The following PRDM14 variants were observed in gnomAD, a reference collection of about 807,000 sequenced individuals.
The protein encoded by PRDM14 is PR/SET domain 14.
In PRDM14, 16 loss-of-function variants were observed where a neutral mutation model predicts 48.0. That is an observed-to-expected ratio of 0.33 (90% CI 0.23 to 0.51). The LOEUF is 0.51. Ranked by LOEUF, PRDM14 falls within the 20% of genes least tolerant of loss-of-function variation. The pLI is 0.97. For synonymous variants in PRDM14, 264 were observed against 276.6 expected, an observed-to-expected ratio of 0.95 and a Z score of 0.45; for missense variants, 566 against 719.6, an observed-to-expected ratio of 0.79 and a Z score of 2.44.
At chr8:70,064,377 C>T (rs538851428) in intron 5 of PRDM14, among the ~76,000 whole-genome samples, 1 of 152,108 alleles carries the variant, frequency 6.6e-6, no homozygotes, top group African/African-American at 2.4e-5. Context: ...CATCCCTAAG[C>T]AGCTTTTTCT....
At position 70,055,643 on chromosome 8, in the gene PRDM14, C is replaced by CT. The variant is rs574043252; in HGVS notation, c.1387-243dup. Among the ~76,000 whole-genome samples, 431 of 152,134 alleles carry CT rather than the reference C, an allele frequency of 2.8e-3. 1 individual carries two copies. The highest frequency in any genetic ancestry group is 4.9e-3 in the Non-Finnish European group (333 of 68,000). ...ACCTCAGCCTCCTGAGTAACTGGGA[C>CT]TACAGGTGCGTGCCACTAAGCCAGC... On this transcript the variant is annotated intron_variant, in intron 6 of 7. Coordinates refer to ENST00000276594, the MANE Select transcript of PRDM14 (RefSeq NM_024504.4).
chr8:70,067,638 T>C (rs1033049639), intron 4 of PRDM14, among the ~76,000 whole-genome samples: 4 of 152,174 alleles, frequency 2.6e-5, no homozygotes, highest in Non-Finnish European at 5.9e-5. Context: ...ATATTCCACA[T>C]AGCCTCAATT....
At chr8:70,057,668 T>G (rs778346271) in intron 6 of PRDM14, among the ~76,000 whole-genome samples, 5 of 152,220 alleles carry the variant, frequency 3.3e-5, no homozygotes, top group African/African-American at 1.2e-4. Flanking sequence ...TTTGTGTTGA[T>G]GAACATGCAG....
At position 70,069,581 on chromosome 8, in the gene PRDM14, AG is replaced by A; in HGVS notation, c.279del (p.Trp94GlyfsTer22). 1 of 1,602,094 alleles carries A rather than the reference AG, an allele frequency of 6.2e-7. No homozygotes were observed. On this transcript the variant is annotated frameshift_variant, in exon 2 of 8. Transcript: ENST00000276594. LOFTEE classifies it high-confidence loss of function. Reference protein sequence around the residue: ...GLQREPLYDLPWYSKLPPWYP... With the variant: ...GLQREPLYDLXWYSKLPPWYP... The stretch of plus-strand genomic sequence containing the variant: ...TACCACGGTGGCAGCTTGCTGTACC[AG>A]GGCAGATCGTAGAGAGGCTCCCTCT...
chr8:70,054,443 C>G (rs1176120290), intron 7 of PRDM14, among the ~76,000 whole-genome samples: 1 of 151,770 alleles, frequency 6.6e-6, no homozygotes, highest in Non-Finnish European at 1.5e-5. Flanking sequence ...CAGGGTGGCA[C>G]AGCTAGGTAA....
At chr8:70,060,093 CAAAA>C (rs58440571) in intron 5 of PRDM14, among the ~76,000 whole-genome samples, 1 of 102,622 alleles carries the variant, frequency 9.7e-6, no homozygotes. Context: ...AACTCCATCT[CAAAA>C]AAAAAAAAAA....
chr8:70,069,361 G>A lies in PRDM14; in HGVS notation c.500C>T (p.Ser167Phe), dbSNP rs775250906. 2 of 1,612,306 alleles carry A rather than the reference G, an allele frequency of 1.2e-6. No homozygotes were observed. The highest frequency in any genetic ancestry group is 1.7e-5 in the Admixed American group (1 of 59,792). The change falls in exon 2 of 8, where the codon TCC (serine) becomes TTC (phenylalanine). Residue 167 changes from serine (S) to phenylalanine (F), a missense_variant. By Grantham distance (155) the Ser-to-Phe change is radical. Coordinates refer to ENST00000276594, the MANE Select transcript of PRDM14 (RefSeq NM_024504.4). ...GCTGGGTGAGCAAGGTAATAACTGG[G>A]AGGTCCTCAGCCCCTCAGGTAACAG... ...ASLLPEGLRT[S>F]QLLPCSPSKQ...
chr8:70,055,448 C>G, intron 6 of PRDM14, 47 bp from the exon 7 acceptor site: 1 of 1,072,930 alleles, frequency 9.3e-7, no homozygotes, highest in Non-Finnish European at 1.4e-6. Flanking sequence ...CTTCCTCTAA[C>G]AAGTCCATTT....
At position 70,063,471 on chromosome 8, in the gene PRDM14, T is replaced by C. The variant is rs531383972; in HGVS notation, c.1183+2764A>G. Among the ~76,000 whole-genome samples, 3 of 152,016 alleles carry C rather than the reference T, an allele frequency of 2.0e-5. No homozygotes were observed. The South Asian group carries it at 6.3e-4, about 32-fold the overall frequency. Reference sequence around the variant, plus strand: ...TGATTTCTCAAAAGGATAATAACCATCTTGCCAGTTACTAAGCAGATACTT... The same window carrying C: ...TGATTTCTCAAAAGGATAATAACCACCTTGCCAGTTACTAAGCAGATACTT... On this transcript the variant is annotated intron_variant, in intron 5 of 7. Coordinates refer to ENST00000276594, the MANE Select transcript of PRDM14 (RefSeq NM_024504.4).
chr8:70,061,318 G>A (rs1002091928), intron 5 of PRDM14, among the ~76,000 whole-genome samples: 2 of 152,198 alleles, frequency 1.3e-5, no homozygotes, highest in Non-Finnish European at 2.9e-5. Flanking sequence ...GAGCAGCCAA[G>A]AGTGAGTCTA....
chr8:70,055,276 C>G (rs1276428204), intron 7 of PRDM14, 24 bp downstream of exon 7: 16 of 1,328,630 alleles, frequency 1.2e-5, no homozygotes, highest in Admixed American at 5.1e-5. Flanking sequence ...CAGGACACAT[C>G]CCTTAGTAAG....
At chr8:70,056,963 CTTTT>C (rs994387212) in intron 6 of PRDM14, among the ~76,000 whole-genome samples, 5 of 142,496 alleles carry the variant, frequency 3.5e-5, no homozygotes, top group African/African-American at 1.3e-4. Context: ...CCTCCAGTTT[CTTTT>C]CTTTTTTTTT....
intron 5 of PRDM14, among the ~76,000 whole-genome samples, chr8:70,060,494 T>C (rs559991241): frequency 3.3e-5 from 5 of 152,362 alleles, no homozygotes; most frequent in East Asian, 3.9e-4. Flanking sequence ...TATGTACTTA[T>C]ATATGCACAT....
chr8:70,057,675 G>A (rs2131036451), intron 6 of PRDM14, among the ~76,000 whole-genome samples: 1 of 152,266 alleles, frequency 6.6e-6, no homozygotes, highest in South Asian at 2.1e-4. Flanking sequence ...TGATGAACAT[G>A]CAGTCTCAAA....
chr8:70,063,816 C>T (rs573280448), intron 5 of PRDM14, among the ~76,000 whole-genome samples: 5 of 152,274 alleles, frequency 3.3e-5, no homozygotes, highest in Admixed American at 1.3e-4. Flanking sequence ...AGCCACCACG[C>T]CCAGCCTGTT....
chr8:70,066,720 T>C (rs1805675656), intron 4 of PRDM14, among the ~76,000 whole-genome samples: 1 of 152,142 alleles, frequency 6.6e-6, no homozygotes, highest in Non-Finnish European at 1.5e-5. Context: ...TAATGTCACA[T>C]ATTGGGTTTG....
chr8:70,066,512 G>T lies in PRDM14; in HGVS notation c.913-7C>A. On this transcript the variant is annotated splice_region_variant and splice_polypyrimidine_tract_variant and intron_variant, in intron 4 of 7. Coordinates refer to ENST00000276594, the MANE Select transcript of PRDM14 (RefSeq NM_024504.4). ...AATGACCATCTTCAAAGATCTAAAT[G>T]AAATAAGACATGAAGTTTGTATTGT... The T allele has an allele frequency of 1.2e-6, 2 of 1,608,156 alleles. No homozygotes were observed. Among genetic ancestry groups the T allele is most frequent in the South Asian group, 2.2e-5 (2 of 90,154 alleles).
chr8:70,067,083 T>C (rs1255315920), intron 4 of PRDM14, among the ~76,000 whole-genome samples: 1 of 152,210 alleles, frequency 6.6e-6, no homozygotes, highest in Non-Finnish European at 1.5e-5. Context: ...GCTTCCCAAA[T>C]TCCTATAGTG....
chr8:70,070,895 CA>C (rs915383969), intron 1 of PRDM14, among the ~76,000 whole-genome samples: 1 of 152,182 alleles, frequency 6.6e-6, no homozygotes, highest in African/African-American at 2.4e-5. Flanking sequence ...GGTCATGACT[CA>C]GAAATTAAAG....
Sources: gnomAD v4.1 joint callset for allele counts (sites outside exome capture counted in the v4.1 genomes callset) on GRCh38, gnomAD v4.1.1 for gene constraint, MANE v1.5 for transcripts, NCBI Gene and HGNC (gene_info 2026-07-23, HGNC 2026-07-21) for gene names.